Variants in CSNK1A1 observed in about 807,000 individuals in gnomAD.
The protein encoded by CSNK1A1 is casein kinase 1 alpha 1, also known as casein kinase I isoform alpha.
In CSNK1A1, 7 loss-of-function variants were observed where a neutral mutation model predicts 46.1. That is an observed-to-expected ratio of 0.15 (90% CI 0.09 to 0.29). The LOEUF (loss-of-function observed/expected upper bound fraction) is 0.29. Among genes scored for constraint, CSNK1A1 ranks in the 10% least tolerant of loss-of-function variants. The probability of loss-of-function intolerance (pLI) is 1.00; values close to 1 mark genes in which losing one functional copy is unlikely to be tolerated. For missense variants in CSNK1A1, 96 were observed against 417.1 expected, an observed-to-expected ratio of 0.23 and a Z score of 6.71; for synonymous variants, 137 against 141.5, an observed-to-expected ratio of 0.97 and a Z score of 0.23.
chr5:149,542,592 TTATATATATA>T (rs1160379269), intron 2 of CSNK1A1, among the ~76,000 whole-genome samples: 417 of 26,660 alleles, frequency 0.016, 6 homozygotes, highest in South Asian at 0.02. Context: ...AGATACAAAT[TTATATATATA>T]TATATATATA....
chr5:149,533,277 G>A (rs1761954973), intron 2 of CSNK1A1, among the ~76,000 whole-genome samples: 1 of 149,366 alleles, frequency 6.7e-6, no homozygotes, highest in African/African-American at 2.4e-5. Flanking sequence ...GTGGCTTATA[G>A]TGGGGAAGGG....
chr5:149,534,510 A>G (rs1241695865), intron 2 of CSNK1A1, among the ~76,000 whole-genome samples: 4 of 137,768 alleles, frequency 2.9e-5, no homozygotes, highest in Non-Finnish European at 4.8e-5. Flanking sequence ...AAAAAAAAAG[A>G]AGGCTTCCTA....
rs543437213 is a variant in CSNK1A1 at position 149,519,729 on chromosome 5, A to G, written c.456+561T>C. Reference sequence around the variant, plus strand: ...GAGAACTCACCCAATTTGGCACCCAAGTAAAAAACTGTCAACTACTTTTGA... The same window carrying G: ...GAGAACTCACCCAATTTGGCACCCAGGTAAAAAACTGTCAACTACTTTTGA... On this transcript the variant is annotated intron_variant, in intron 4 of 9. Transcript: ENST00000377843. Among the ~76,000 whole-genome samples, 36 of 152,316 alleles carry G rather than the reference A, an allele frequency of 2.4e-4. No homozygotes were observed. In the South Asian group the frequency reaches 3.3e-3, roughly 14 times the overall value.
intron 2 of CSNK1A1, among the ~76,000 whole-genome samples, chr5:149,549,734 A>G (rs1762596438): frequency 6.6e-6 from 1 of 152,202 alleles, no homozygotes; most frequent in Admixed American, 6.5e-5. Flanking sequence ...ACTTCACTGG[A>G]CAAACCTAAG....
At position 149,493,016 on chromosome 5, in the gene CSNK1A1, C is replaced by T. The variant is rs1698943379; in HGVS notation, c.*3837G>A. 6.6e-6 allele frequency: 1 copy of T among 152,210 alleles called. No homozygotes were observed. The highest frequency in any genetic ancestry group is 2.4e-5 in the African/African-American group (1 of 41,462). 9.4% of individuals were successfully genotyped at this position (152,210 alleles called of 1,614,324 possible). A position where few individuals can be genotyped will look rare whatever the true frequency, so the allele number is the denominator to read the frequency against. On this transcript the variant is annotated 3_prime_UTR_variant, in exon 10 of 10. Coordinates refer to ENST00000377843, the MANE Select transcript of CSNK1A1 (RefSeq NM_001892.6). ...TACCAGTTTATTTTGATAATTGACA[C>T]AGATTTAGCAAGTATAATCCTTCAA...
intron 9 of CSNK1A1, chr5:149,497,894 C>T: frequency 1.1e-6 from 1 of 933,930 alleles, no homozygotes; most frequent in Non-Finnish European, 1.3e-6. Flanking sequence ...AGGGCAGTGG[C>T]ATGATCTTGG....
At position 149,542,366 on chromosome 5, in the gene CSNK1A1, GTAA is replaced by G. The variant is rs112915539; in HGVS notation, c.230+7706_230+7708del. Among the ~76,000 whole-genome samples, 123 of 151,310 alleles carry G rather than the reference GTAA, an allele frequency of 8.1e-4. 2 individuals carry two copies. The highest frequency in any genetic ancestry group is 2.7e-3 in the African/African-American group (112 of 41,218). On this transcript the variant is annotated intron_variant, in intron 2 of 9. Coordinates refer to ENST00000377843, the MANE Select transcript of CSNK1A1 (RefSeq NM_001892.6). ...TAATTATTTCATTATATGTTACAAT[GTAA>G]TAATAATAGAAATAAAGTGCACAAT...
At chr5:149,498,678 A>G (rs1051077300) in intron 9 of CSNK1A1, 22 of 985,306 alleles carry the variant, frequency 2.2e-5, no homozygotes, top group Non-Finnish European at 2.5e-5. Context: ...TGATTTAAAA[A>G]ACGTATTTTC....
chr5:149,499,805 C>A (rs1044407557), intron 9 of CSNK1A1, among the ~76,000 whole-genome samples: 2 of 151,996 alleles, frequency 1.3e-5, no homozygotes, highest in African/African-American at 4.8e-5. Flanking sequence ...GGGATATTTA[C>A]GTAGCAGTAA....
intron 3 of CSNK1A1, among the ~76,000 whole-genome samples, chr5:149,522,502 G>A (rs1024226611): frequency 6.6e-6 from 1 of 152,162 alleles, no homozygotes; most frequent in Non-Finnish European, 1.5e-5. Context: ...CTGTCCATAT[G>A]TTCTTGCTCT....
chr5:149,498,322 CA>C (rs1186716318), intron 9 of CSNK1A1: 1 of 984,838 alleles, frequency 1.0e-6, no homozygotes, highest in African/African-American at 1.8e-5. Flanking sequence ...CACCAAATGC[CA>C]AAAATGAAAG....
At chr5:149,534,501 AAAAAAAAG>A (rs1430455591) in intron 2 of CSNK1A1, among the ~76,000 whole-genome samples, 1 of 145,864 alleles carries the variant, frequency 6.9e-6, no homozygotes, top group African/African-American at 2.6e-5. Flanking sequence ...AAAAAAAAAA[AAAAAAAAG>A]AAGGCTTCCT....
In CSNK1A1 at chr5:149,550,343, T is replaced by C. The variant is rs1762616239; in HGVS notation, c.124-162A>G. 2.1e-6 allele frequency: 3 copies of C among 1,428,226 alleles called. No individual in the cohort carries two copies. The highest frequency in any genetic ancestry group is 2.7e-6 in the Non-Finnish European group (3 of 1,096,030). 88.5% of individuals were successfully genotyped at this position (1,428,226 alleles called of 1,614,324 possible). Reference sequence around the variant, plus strand: ...TAATTATAAAACGAGGCAACCAGCCTCAAAGGCCTCTTCAGGGGGTAGTGA... The same window carrying C: ...TAATTATAAAACGAGGCAACCAGCCCCAAAGGCCTCTTCAGGGGGTAGTGA... On this transcript the variant is annotated intron_variant, in intron 1 of 9. Coordinates refer to ENST00000377843, the MANE Select transcript of CSNK1A1 (RefSeq NM_001892.6). This position sits in a 1 kb window ranked among gnomAD's most constrained non-coding sequence, Gnocchi z 4.3.
intron 2 of CSNK1A1, among the ~76,000 whole-genome samples, chr5:149,538,769 A>C (rs1317217221): frequency 1.3e-5 from 2 of 152,050 alleles, no homozygotes; most frequent in Non-Finnish European, 2.9e-5. Flanking sequence ...CTAAAAATAC[A>C]AAATTAGCCG....
chr5:149,519,192 C>T (rs1761489813), intron 4 of CSNK1A1, among the ~76,000 whole-genome samples: 1 of 152,240 alleles, frequency 6.6e-6, no homozygotes, highest in South Asian at 2.1e-4. Context: ...ATCAGACCAA[C>T]ATCAGTATCT....
At chr5:149,549,954 T>C in intron 2 of CSNK1A1, 121 bp downstream of exon 2, 2 of 1,187,640 alleles carry the variant, frequency 1.7e-6, no homozygotes, top group East Asian at 2.4e-5. Context: ...CCACCAGCTA[T>C]AGGGAACCCA....
At chr5:149,548,151 G>A (rs886337215) in intron 2 of CSNK1A1, among the ~76,000 whole-genome samples, 5 of 152,070 alleles carry the variant, frequency 3.3e-5, no homozygotes, top group Non-Finnish European at 5.9e-5. Context: ...GATTACAGGC[G>A]TGAGCCACCA....
intron 2 of CSNK1A1, among the ~76,000 whole-genome samples, chr5:149,533,710 G>A (rs141608273): frequency 4.6e-5 from 7 of 151,296 alleles, no homozygotes; most frequent in East Asian, 2.0e-4. Flanking sequence ...CCTAACTTTT[G>A]TCAGCTCTTG....
At chr5:149,498,427 G>T (rs1166581331) in intron 9 of CSNK1A1, 1 of 985,180 alleles carries the variant, frequency 1.0e-6, no homozygotes, top group African/African-American at 1.7e-5. Flanking sequence ...TCTTTTAAAG[G>T]TTGTCAAACC....
Sources: allele counts gnomAD v4.1 joint callset (sites outside exome capture counted in the v4.1 genomes callset), GRCh38; gene constraint gnomAD v4.1.1; non-coding constraint Gnocchi (gnomAD v3.1); transcripts MANE v1.5; gene names NCBI Gene and HGNC (gene_info 2026-07-23, HGNC 2026-07-21).